Variants in ADAMTS19 observed in about 807,000 individuals in gnomAD.
ADAMTS19 encodes ADAM metallopeptidase with thrombospondin type 1 motif 19.
In ADAMTS19, 93 loss-of-function variants were observed where a neutral mutation model predicts 153.3. The observed-to-expected ratio is 0.61, with a 90% CI of 0.51 to 0.72. ADAMTS19 has a LOEUF of 0.72. ADAMTS19 is among the 30% of genes least tolerant of loss of function. The probability of loss-of-function intolerance (pLI) is 0.00; values close to 1 mark genes in which losing one functional copy is unlikely to be tolerated. For synonymous variants in ADAMTS19, 600 were observed against 556.6 expected, an observed-to-expected ratio of 1.08 and a Z score of -1.10; for missense variants, 1,482 against 1,552.1, an observed-to-expected ratio of 0.95 and a Z score of 0.76.
chr5:129,594,507 TA>T, intron 7 of ADAMTS19, among the ~76,000 whole-genome samples: 1 of 152,164 alleles, frequency 6.6e-6, no homozygotes. Context: ...AATCTCAAAT[TA>T]TTATTTTATT....
chr5:129,516,043 T>A (rs1751594361), intron 3 of ADAMTS19, among the ~76,000 whole-genome samples: 1 of 151,906 alleles, frequency 6.6e-6, no homozygotes, highest in Admixed American at 6.6e-5. Context: ...ATTGACATGA[T>A]CATATGGTTT....
At chr5:129,709,185 A>G (rs1756320738) in intron 21 of ADAMTS19, among the ~76,000 whole-genome samples, 1 of 152,158 alleles carries the variant, frequency 6.6e-6, no homozygotes, top group African/African-American at 2.4e-5. Flanking sequence ...CTAGCAATAA[A>G]AATTAGATTT....
intron 8 of ADAMTS19, among the ~76,000 whole-genome samples, chr5:129,605,902 A>G (rs1426821088): frequency 1.3e-5 from 2 of 152,158 alleles, no homozygotes; most frequent in African/African-American, 4.8e-5. Flanking sequence ...GAAATTACTT[A>G]TATTTCATTT....
intron 7 of ADAMTS19, among the ~76,000 whole-genome samples, chr5:129,577,753 G>A (rs1382047245): frequency 6.6e-6 from 1 of 151,924 alleles, no homozygotes; most frequent in Non-Finnish European, 1.5e-5. Flanking sequence ...TGACTGATTT[G>A]ACAAATTGTA....
At chr5:129,665,408 A>G in intron 15 of ADAMTS19, 91 bp from the exon 16 acceptor site, 1 of 1,155,102 alleles carries the variant, frequency 8.7e-7, no homozygotes. Flanking sequence ...AGCAATAACC[A>G]AAACCAAAAG....
intron 7 of ADAMTS19, among the ~76,000 whole-genome samples, chr5:129,555,311 A>G (rs2126830507): frequency 6.6e-6 from 1 of 152,220 alleles, no homozygotes; most frequent in East Asian, 1.9e-4. Flanking sequence ...GAATGCTTGT[A>G]TTTTCAAAGC....
intron 7 of ADAMTS19, among the ~76,000 whole-genome samples, chr5:129,560,748 A>C (rs1005487218): frequency 6.6e-6 from 1 of 152,234 alleles, no homozygotes; most frequent in African/African-American, 2.4e-5. Flanking sequence ...ATGTTTATAC[A>C]TCTTGCAGCA....
In ADAMTS19 at chr5:129,709,197, T is replaced by C. The variant is rs143340560; in HGVS notation, c.3312+4806T>C. Among the ~76,000 whole-genome samples, 971 of 152,234 alleles carry C rather than the reference T, an allele frequency of 6.4e-3. 3 individuals carry two copies. Among genetic ancestry groups the C allele is most frequent in the Non-Finnish European group, 9.7e-3 (659 of 67,946 alleles). On this transcript the variant is annotated intron_variant, in intron 21 of 22. Coordinates refer to ENST00000274487, the MANE Select transcript of ADAMTS19 (RefSeq NM_133638.6). Reference sequence around the variant, plus strand: ...TTTCTAGCAATAAAAATTAGATTTATGTTAATGGGAATTCTACGTATTCTG... The same window carrying C: ...TTTCTAGCAATAAAAATTAGATTTACGTTAATGGGAATTCTACGTATTCTG...
rs1757172181 is a variant in ADAMTS19 at position 129,725,511 on chromosome 5, T to C, written c.3313-9421T>C. Among the ~76,000 whole-genome samples the C allele has an allele frequency of 3.9e-5, 6 of 152,140 alleles. No homozygotes were observed. The South Asian group carries it at 1.2e-3, about 32-fold the overall frequency. On this transcript the variant is annotated intron_variant, in intron 21 of 22. Coordinates refer to ENST00000274487, the MANE Select transcript of ADAMTS19 (RefSeq NM_133638.6). ...CTCCACCATTTTTCCTCTTAATGCT[T>C]ATGCTTGAGCCCACTTGCCCAATTC... is the stretch of plus-strand genomic sequence containing the variant.
chr5:129,570,514 T>C (rs1006610204), intron 7 of ADAMTS19, among the ~76,000 whole-genome samples: 3 of 151,846 alleles, frequency 2.0e-5, no homozygotes, highest in African/African-American at 7.2e-5. Context: ...AGAAGTTTCA[T>C]TGGTTAATTA....
chr5:129,593,518 C>T (rs1750242161), intron 7 of ADAMTS19, among the ~76,000 whole-genome samples: 1 of 152,084 alleles, frequency 6.6e-6, no homozygotes, highest in Admixed American at 6.5e-5. Flanking sequence ...TGCTCTTTTT[C>T]ATCACTGATG....
At chr5:129,700,710 T>G (rs926193584) in intron 19 of ADAMTS19, among the ~76,000 whole-genome samples, 1 of 152,150 alleles carries the variant, frequency 6.6e-6, no homozygotes, top group Non-Finnish European at 1.5e-5. Context: ...CTCCTGGATA[T>G]TAGCAATTTT....
At chr5:129,625,236 C>G (rs917312040) in intron 10 of ADAMTS19, among the ~76,000 whole-genome samples, 1 of 152,142 alleles carries the variant, frequency 6.6e-6, no homozygotes, top group Non-Finnish European at 1.5e-5. Flanking sequence ...CAGTCTATCA[C>G]TGATGGACAT....
At position 129,680,017 on chromosome 5, in the gene ADAMTS19, G is replaced by T. The variant is rs1402779265; in HGVS notation, c.2664+96G>T. The T allele has an allele frequency of 4.7e-6, 6 of 1,271,786 alleles. No homozygotes were observed. The African/African-American group carries it at 9.2e-5, about 19-fold the overall frequency. The allele number at this position is 1,271,786 out of a possible 1,614,324, so 78.8% of individuals were successfully genotyped here. A position where few individuals can be genotyped will look rare whatever the true frequency, so the allele number is the denominator to read the frequency against. Reference sequence around the variant, plus strand: ...CTCTAATATTTTTCAGATTTGAATTGTCACACAGACATTTAAAATTATTTA... The same window carrying T: ...CTCTAATATTTTTCAGATTTGAATTTTCACACAGACATTTAAAATTATTTA... On this transcript the variant is annotated intron_variant, in intron 17 of 22. Coordinates refer to ENST00000274487, the MANE Select transcript of ADAMTS19 (RefSeq NM_133638.6).
chr5:129,542,396 G>A (rs2126801437), intron 6 of ADAMTS19, among the ~76,000 whole-genome samples: 1 of 152,284 alleles, frequency 6.6e-6, no homozygotes, highest in Middle Eastern at 3.4e-3. Context: ...GTGGAAAGAT[G>A]CTAGGGACTA....
At chr5:129,580,601 C>T (rs115431831) in intron 7 of ADAMTS19, among the ~76,000 whole-genome samples, 186 of 152,178 alleles carry the variant, frequency 1.2e-3, no homozygotes, top group African/African-American at 4.2e-3. Context: ...ATTTCAGATA[C>T]GTTCCATCAA....
rs542589416 is a variant in ADAMTS19, at chr5:129,691,659, C to A, written c.2819-3061C>A. Among the ~76,000 whole-genome samples, 5 of 152,178 alleles carry A rather than the reference C, an allele frequency of 3.3e-5. No individual in the cohort carries two copies. In the East Asian group the frequency reaches 7.7e-4, roughly 23 times the overall value. Reference sequence around the variant, plus strand: ...TGTTCAATGAAATTTTTAAAAAGAGCTAAGCTTCCCCTAGCTGCCAAACCT... The same window carrying A: ...TGTTCAATGAAATTTTTAAAAAGAGATAAGCTTCCCCTAGCTGCCAAACCT... On this transcript the variant is annotated intron_variant, in intron 18 of 22. Coordinates refer to ENST00000274487, the MANE Select transcript of ADAMTS19 (RefSeq NM_133638.6).
chr5:129,509,582 A>T (rs1751367918), intron 3 of ADAMTS19, among the ~76,000 whole-genome samples: 1 of 152,030 alleles, frequency 6.6e-6, no homozygotes, highest in African/African-American at 2.4e-5. Context: ...GAATACTGTG[A>T]GCTCAAAGCC....
intron 10 of ADAMTS19, among the ~76,000 whole-genome samples, chr5:129,633,440 G>A (rs569958278): frequency 2.0e-5 from 3 of 152,244 alleles, no homozygotes; most frequent in South Asian, 2.1e-4. Flanking sequence ...TACTAGAAAT[G>A]TTGTTGTTAT....
Sources: allele counts gnomAD v4.1 joint callset (sites outside exome capture counted in the v4.1 genomes callset), GRCh38; gene constraint gnomAD v4.1.1; transcripts MANE v1.5; gene names NCBI Gene and HGNC (gene_info 2026-07-23, HGNC 2026-07-21).